HMBOX1: variants seen among roughly 807,000 people sequenced by gnomAD.
HMBOX1 encodes the protein homeobox containing 1, also known as homeobox-containing protein 1.
In HMBOX1, 14 loss-of-function variants were observed where a neutral mutation model predicts 54.5. That is an observed-to-expected ratio of 0.26 (90% confidence interval 0.17 to 0.40). The LOEUF (loss-of-function observed/expected upper bound fraction) is 0.40. Ranked by LOEUF, HMBOX1 falls within the 10% of genes least tolerant of loss-of-function variation. HMBOX1 has a pLI of 1.00. For synonymous variants in HMBOX1, 160 were observed against 181.0 expected, an observed-to-expected ratio of 0.88 and a Z score of 0.93; for missense variants, 332 against 514.4, an observed-to-expected ratio of 0.65 and a Z score of 3.43.
At chr8:28,983,575 A>G (rs1388053337) in intron 4 of HMBOX1, among the ~76,000 whole-genome samples, 1 of 152,202 alleles carries the variant, frequency 6.6e-6, no homozygotes, top group African/African-American at 2.4e-5. Context: ...TATGCATTTT[A>G]GAGCAATGTT....
intron 4 of HMBOX1, among the ~76,000 whole-genome samples, chr8:28,984,873 T>TA (rs1829941102): frequency 6.6e-6 from 1 of 152,106 alleles, no homozygotes; most frequent in Admixed American, 6.5e-5. Context: ...GCCAAAGAAA[T>TA]ATACTAATTG....
rs889679805 is a variant in HMBOX1 at position 28,929,933 on chromosome 8, G to A, written c.-57-33878G>A. ...GAACGTTTCTAACACCCCGCCCCCC[G>A]CCCGCCCCCCGCCCCGCCAATGGAG... On this transcript the variant is annotated intron_variant, in intron 1 of 9. Transcript: ENST00000287701. Among the ~76,000 whole-genome samples, 3 of 45,044 alleles carry A rather than the reference G, an allele frequency of 6.7e-5. 1 individual carries two copies. Among genetic ancestry groups the A allele is most frequent in the African/African-American group, 1.7e-4 (2 of 11,946 alleles). 29.6% of individuals were successfully genotyped at this position (45,044 alleles called of 152,430 possible).
At chr8:29,048,922 A>T (rs926716989) in intron 8 of HMBOX1, 32 bp from the exon 9 acceptor site, 3 of 1,451,088 alleles carry the variant, frequency 2.1e-6, no homozygotes, top group Non-Finnish European at 1.9e-6. Flanking sequence ...AAGGTAACAG[A>T]TAATTTAGGG....
At chr8:28,893,623 A>G (rs1811480918) in intron 1 of HMBOX1, among the ~76,000 whole-genome samples, 2 of 152,338 alleles carry the variant, frequency 1.3e-5, no homozygotes, top group South Asian at 2.1e-4. Context: ...CAGTTAAAAC[A>G]TCGCTAATAG....
At position 29,045,340 on chromosome 8, in the gene HMBOX1, C is replaced by G. The variant is rs774086174; in HGVS notation, c.852-21C>G. 1.0e-5 allele frequency: 16 copies of G among 1,595,458 alleles called. No homozygotes were observed. The South Asian group carries it at 1.8e-4, about 18-fold the overall frequency. ...TGTTTGAAAAATAAAAACTTTGTGT[C>G]TGTATCGGTTGCCTCTGCAGTTACT... On this transcript the variant is annotated intron_variant, in intron 6 of 9. Coordinates refer to ENST00000287701, the MANE Select transcript of HMBOX1 (RefSeq NM_001135726.3).
intron 6 of HMBOX1, 151 bp downstream of exon 6, chr8:29,019,064 T>C (rs1041982027): frequency 4.8e-6 from 3 of 625,416 alleles, no homozygotes; most frequent in Non-Finnish European, 8.2e-6. Flanking sequence ...TGCTGTATTA[T>C]AGAAATAAGG....
chr8:28,896,668 C>A (rs1000473854), intron 1 of HMBOX1, among the ~76,000 whole-genome samples: 1 of 124,234 alleles, frequency 8.0e-6, no homozygotes, highest in Non-Finnish European at 2.0e-5. Flanking sequence ...CAGATACTTT[C>A]CAGTGCGTTA....
Position 28,918,277 on chromosome 8 carries a change from C to T in HMBOX1, c.-58+27599C>T, listed in dbSNP as rs563147579. Among the ~76,000 whole-genome samples, 3 of 152,294 alleles carry T rather than the reference C, an allele frequency of 2.0e-5. No individual in the cohort carries two copies. The East Asian group carries it at 5.8e-4, about 29-fold the overall frequency. The stretch of plus-strand genomic sequence containing the variant: ...GGAGTGCAGTGGCGCGATCTCGGCT[C>T]ACCACAACCTCTGCCTCCCAGGTTC... On this transcript the variant is annotated intron_variant, in intron 1 of 9. Coordinates refer to ENST00000287701, the MANE Select transcript of HMBOX1 (RefSeq NM_001135726.3).
chr8:29,046,175 C>T (rs1169695250), intron 7 of HMBOX1: 3 of 152,206 alleles, frequency 2.0e-5, no homozygotes, highest in Non-Finnish European at 4.4e-5. Context: ...AGCAGACCTT[C>T]ATTCTCCCTC....
chr8:28,946,398 G>A (rs917842987), intron 1 of HMBOX1, among the ~76,000 whole-genome samples: 15 of 151,638 alleles, frequency 9.9e-5, no homozygotes, highest in African/African-American at 3.4e-4. Flanking sequence ...GTGAAACCTC[G>A]TCTCTACTAA....
At chr8:28,935,109 A>G (rs1445997449) in intron 1 of HMBOX1, among the ~76,000 whole-genome samples, 3 of 152,204 alleles carry the variant, frequency 2.0e-5, no homozygotes, top group African/African-American at 7.2e-5. Flanking sequence ...AACACTGCTG[A>G]CATAAATTAA....
chr8:29,026,385 T>A (rs1802036030), intron 6 of HMBOX1, among the ~76,000 whole-genome samples: 1 of 152,102 alleles, frequency 6.6e-6, no homozygotes, highest in Admixed American at 6.6e-5. Flanking sequence ...GGGGATGTGA[T>A]GGCTAAGGGG....
At chr8:28,973,803 G>GATTTTTTTTTTTTT (rs1827847552) in intron 3 of HMBOX1, among the ~76,000 whole-genome samples, 1 of 72,618 alleles carries the variant, frequency 1.4e-5, no homozygotes. Context: ...ACATAATGGA[G>GATTTTTTTTTTTTT]TTTTTTTTTT....
intron 1 of HMBOX1, among the ~76,000 whole-genome samples, chr8:28,901,611 T>G (rs1813247331): frequency 6.6e-6 from 1 of 152,194 alleles, no homozygotes; most frequent in African/African-American, 2.4e-5. Flanking sequence ...CCTACTCTAT[T>G]CCATGGTGCA....
At chr8:29,009,951 A>C in intron 5 of HMBOX1, 1 of 1,065,020 alleles carries the variant, frequency 9.4e-7, no homozygotes, top group Non-Finnish European at 1.1e-6. Flanking sequence ...CTGCAGCCTC[A>C]AAGCCTTTGC....
chr8:28,891,953 A>G (rs953097162), intron 1 of HMBOX1, among the ~76,000 whole-genome samples: 4 of 152,146 alleles, frequency 2.6e-5, no homozygotes, highest in Non-Finnish European at 4.4e-5. Context: ...GGTATCCTGC[A>G]GGTACAGAAA....
chr8:28,963,766 T>C, intron 1 of HMBOX1, 45 bp from the exon 2 acceptor site: 1 of 918,856 alleles, frequency 1.1e-6, no homozygotes. Context: ...TATTCAGCAC[T>C]TGATTAACAT....
chr8:29,001,514 C>T (rs1038160700), intron 4 of HMBOX1, among the ~76,000 whole-genome samples: 2 of 152,032 alleles, frequency 1.3e-5, no homozygotes, highest in Admixed American at 6.6e-5. Context: ...CATGCCGCGG[C>T]GCTTCAGCCT....
intron 1 of HMBOX1, among the ~76,000 whole-genome samples, chr8:28,908,811 T>A (rs1398279668): frequency 6.6e-6 from 1 of 152,000 alleles, no homozygotes; most frequent in Non-Finnish European, 1.5e-5. Context: ...TTTAGTGTTG[T>A]GTCCGGGTGA....
Sources: gnomAD v4.1 joint callset for allele counts (sites outside exome capture counted in the v4.1 genomes callset) on GRCh38, gnomAD v4.1.1 for gene constraint, MANE v1.5 for transcripts, NCBI Gene and HGNC (gene_info 2026-07-23, HGNC 2026-07-21) for gene names.